HPSE2: variants seen among roughly 807,000 people sequenced by gnomAD.
HPSE2 encodes the protein inactive heparanase-2.
Under a neutral mutation model 60.5 loss-of-function variants are expected in HPSE2, and 38 were observed. That is an observed-to-expected ratio of 0.63 (90% confidence interval 0.48 to 0.82). The LOEUF (loss-of-function observed/expected upper bound fraction) is 0.82. Among genes scored for constraint, HPSE2 ranks in the 40% least tolerant of loss-of-function variants. The probability of loss-of-function intolerance (pLI) is 0.00; values close to 1 mark genes in which losing one functional copy is unlikely to be tolerated. For missense variants in HPSE2, 713 were observed against 740.4 expected (o/e 0.96, Z 0.43); for synonymous variants, 295 against 293.2 (o/e 1.01, Z -0.06).
chr10:98,757,551 G>A (rs57104636), intron 3 of HPSE2, among the ~76,000 whole-genome samples: 2,020 of 152,024 alleles, frequency 0.013, 56 homozygotes, highest in African/African-American at 0.046. Flanking sequence ...TCCAAGCTGA[G>A]AGCCAAATCA....
chr10:98,645,689 T>C (rs1032221537), intron 6 of HPSE2, among the ~76,000 whole-genome samples: 2 of 152,104 alleles, frequency 1.3e-5, no homozygotes, highest in Admixed American at 6.6e-5. Context: ...CATTTAACCA[T>C]AGGGTATGGC....
the HPSE2 span, among the ~76,000 whole-genome samples, chr10:99,276,618 T>A: frequency 6.6e-6 from 1 of 151,896 alleles, no homozygotes; most frequent in Non-Finnish European, 1.5e-5. Context: ...ACGCTTGGAG[T>A]CTTGAAATCC....
At chr10:98,544,605 C>T (rs942476288) in intron 9 of HPSE2, among the ~76,000 whole-genome samples, 75 of 147,450 alleles carry the variant, frequency 5.1e-4, no homozygotes, top group Non-Finnish European at 6.5e-4. Context: ...CCCAGCTACG[C>T]GGGAGGCTGA....
intron 9 of HPSE2, among the ~76,000 whole-genome samples, chr10:98,574,624 C>A (rs188055689): frequency 6.6e-6 from 1 of 152,276 alleles, no homozygotes; most frequent in Non-Finnish European, 1.5e-5. Context: ...TGCAGAAAAA[C>A]TCCCTGGATA....
At chr10:99,069,740 G>C (rs1000060857) in intron 3 of HPSE2, among the ~76,000 whole-genome samples, 4 of 151,600 alleles carry the variant, frequency 2.6e-5, no homozygotes, top group African/African-American at 9.7e-5. Context: ...TTAGTACTCA[G>C]TGTTTTCATG....
intron 3 of HPSE2, among the ~76,000 whole-genome samples, chr10:98,816,030 G>C (rs1951279706): frequency 7.2e-6 from 1 of 139,668 alleles, no homozygotes; most frequent in Non-Finnish European, 1.5e-5. Context: ...ACTGTTGTGG[G>C]GTGGGGGGGA....
intron 4 of HPSE2, among the ~76,000 whole-genome samples, chr10:98,724,940 A>G (rs1220665442): frequency 1.3e-5 from 2 of 152,164 alleles, no homozygotes; most frequent in Non-Finnish European, 2.9e-5. Flanking sequence ...AGGGATGTGA[A>G]GGACCTCTTC....
Position 98,791,979 on chromosome 10 carries a change from T to C in HPSE2, c.611-47923A>G, listed in dbSNP as rs374304419. ...ATTACCCCGTTCTCAATAGTTTCCA[T>C]GCTGTCTCAGATATGTAACAGTTAA... On this transcript the variant is annotated intron_variant, in intron 3 of 11. Coordinates refer to ENST00000370552, the MANE Select transcript of HPSE2 (RefSeq NM_021828.5). 3.3e-5 allele frequency among the ~76,000 whole-genome samples: 5 copies of C among 152,338 alleles called. No individual in the cohort carries two copies. The South Asian group carries it at 1.0e-3, about 32-fold the overall frequency.
rs1941193453 is a variant in HPSE2, at chr10:98,480,488, T to G, written c.1613+2148A>C. Among the ~76,000 whole-genome samples the G allele has an allele frequency of 2.0e-5, 3 of 152,068 alleles. No homozygotes were observed. In the South Asian group the frequency reaches 6.2e-4, roughly 32 times the overall value. On this transcript the variant is annotated intron_variant, in intron 11 of 11. Coordinates refer to ENST00000370552, the MANE Select transcript of HPSE2 (RefSeq NM_021828.5). ...CGCTAGCTAGTGGGAGTCAGTCCCT[T>G]TAGTCACCCTTAAGGATAGGTATAG...
chr10:98,547,589 G>A (rs1943727141), intron 9 of HPSE2, among the ~76,000 whole-genome samples: 1 of 142,348 alleles, frequency 7.0e-6, no homozygotes, highest in Non-Finnish European at 1.5e-5. Context: ...CTCACTCATA[G>A]GTGGGAATTG....
chr10:99,314,193 G>T, the HPSE2 span, among the ~76,000 whole-genome samples: 1 of 152,098 alleles, frequency 6.6e-6, no homozygotes, highest in African/African-American at 2.4e-5. Context: ...CACAAGGTTT[G>T]TCTCTGCAGC....
chr10:98,931,794 T>C (rs1278918063), intron 3 of HPSE2, among the ~76,000 whole-genome samples: 2 of 143,854 alleles, frequency 1.4e-5, no homozygotes, highest in African/African-American at 5.7e-5. Flanking sequence ...ATAGGAATGC[T>C]TGTGATTTCT....
intron 9 of HPSE2, among the ~76,000 whole-genome samples, chr10:98,593,300 A>G (rs1176211340): frequency 1.3e-5 from 2 of 152,232 alleles, no homozygotes; most frequent in Non-Finnish European, 2.9e-5. Flanking sequence ...GGTAATTAAG[A>G]GTAGGTGGCT....
At chr10:98,530,301 G>A (rs1350574427) in intron 9 of HPSE2, among the ~76,000 whole-genome samples, 1 of 152,114 alleles carries the variant, frequency 6.6e-6, no homozygotes, top group East Asian at 1.9e-4. Flanking sequence ...ATCTTCTAGT[G>A]GTTCTCAAAC....
chr10:99,138,991 G>A (rs902539671), intron 3 of HPSE2, among the ~76,000 whole-genome samples: 3 of 152,184 alleles, frequency 2.0e-5, no homozygotes, highest in East Asian at 1.9e-4. Context: ...TCACATATAT[G>A]TTTATTGCAG....
At chr10:98,535,883 G>A (rs1269551078) in intron 9 of HPSE2, among the ~76,000 whole-genome samples, 2 of 152,148 alleles carry the variant, frequency 1.3e-5, no homozygotes, top group Non-Finnish European at 2.9e-5. Context: ...GAACTCTTTT[G>A]ATACTCTAGA....
chr10:98,481,059 G>T (rs1195136125), intron 11 of HPSE2, among the ~76,000 whole-genome samples: 1 of 152,160 alleles, frequency 6.6e-6, no homozygotes, highest in Non-Finnish European at 1.5e-5. Context: ...CATTTGGCCA[G>T]TCCCCTCCAC....
chr10:98,600,136 T>G (rs1055865553), intron 9 of HPSE2, among the ~76,000 whole-genome samples: 1 of 152,224 alleles, frequency 6.6e-6, no homozygotes, highest in Non-Finnish European at 1.5e-5. Flanking sequence ...GGATGTTTAC[T>G]GCTTGCAAGA....
the HPSE2 span, among the ~76,000 whole-genome samples, chr10:99,303,603 C>T: frequency 6.6e-6 from 1 of 152,270 alleles, no homozygotes; most frequent in Admixed American, 6.5e-5. Context: ...CAGGGAATAG[C>T]TAGTTGGGTA....
Sources: gnomAD v4.1 joint callset for allele counts (sites outside exome capture counted in the v4.1 genomes callset) on GRCh38, gnomAD v4.1.1 for gene constraint, MANE v1.5 for transcripts, NCBI Gene and HGNC (gene_info 2026-07-23, HGNC 2026-07-21) for gene names.